Variants in MGLL observed in about 807,000 individuals in gnomAD.
MGLL encodes lysophospholipase homolog.
In MGLL, 7 loss-of-function variants were observed where a neutral mutation model predicts 29.1. That is an observed-to-expected ratio of 0.24 (90% CI 0.14 to 0.45). MGLL has a LOEUF of 0.45. MGLL is among the 20% of genes least tolerant of loss of function. MGLL has a pLI of 0.99. For missense variants in MGLL, 356 were observed against 413.6 expected (o/e 0.86, Z 1.21); for synonymous variants, 148 against 168.3 (o/e 0.88, Z 0.93).
At chr3:127,749,399 C>T (rs111684798) in intron 3 of MGLL, among the ~76,000 whole-genome samples, 3,428 of 152,306 alleles carry the variant, frequency 0.023, 142 homozygotes, top group African/African-American at 0.077. Flanking sequence ...AAAGCAAATG[C>T]TTCCCAGAGC....
chr3:127,725,511 C>A (rs774001680), intron 3 of MGLL, among the ~76,000 whole-genome samples: 1 of 152,094 alleles, frequency 6.6e-6, no homozygotes, highest in African/African-American at 2.4e-5. Flanking sequence ...ATTTTTACCC[C>A]GGTCCTAAAC....
intron 2 of MGLL, among the ~76,000 whole-genome samples, chr3:127,793,162 G>A (rs937019603): frequency 3.3e-5 from 5 of 152,124 alleles, no homozygotes; most frequent in Admixed American, 6.5e-5. Context: ...AATCGGAGTC[G>A]ACCAGGCACG....
intron 3 of MGLL, among the ~76,000 whole-genome samples, chr3:127,753,722 C>T (rs1386215834): frequency 6.6e-6 from 1 of 152,166 alleles, no homozygotes; most frequent in Non-Finnish European, 1.5e-5. Flanking sequence ...CTACAGGGGG[C>T]AAGAAGAGCA....
intron 3 of MGLL, among the ~76,000 whole-genome samples, chr3:127,766,096 A>G (rs536411933): frequency 6.6e-6 from 1 of 152,310 alleles, no homozygotes; most frequent in South Asian, 2.1e-4. Flanking sequence ...CAACGTCACA[A>G]ATGTCATGTC....
chr3:127,715,060 T>C (rs2075789008), intron 5 of MGLL, among the ~76,000 whole-genome samples: 3 of 152,258 alleles, frequency 2.0e-5, no homozygotes, highest in Admixed American at 1.3e-4. Context: ...TGGGCATTCA[T>C]GTGCGTGGTG....
chr3:127,707,122 CG>C (rs1464078635), intron 6 of MGLL, among the ~76,000 whole-genome samples: 9 of 152,168 alleles, frequency 5.9e-5, no homozygotes, highest in Non-Finnish European at 1.3e-4. Flanking sequence ...CTAGCAGATG[CG>C]CAGGAAGGGC....
In MGLL at chr3:127,726,119, G is replaced by GGAAAGAAAGAAA. The variant is rs869029966; in HGVS notation, c.263-3565_263-3554dup. On this transcript the variant is annotated intron_variant, in intron 3 of 7. Coordinates refer to ENST00000265052, the MANE Select transcript of MGLL (RefSeq NM_007283.7). ...AAACAGAAGAAAGAGAAAGAAAGCAGGAAAGAAAGAAAGAAAGAAAGAAAG... is the reference window on the plus strand; with the variant it reads ...AAACAGAAGAAAGAGAAAGAAAGCAGGAAAGAAAGAAAGAAAGAAAGAAAGAAAGAAAGAAAG... 3.1e-3 allele frequency among the ~76,000 whole-genome samples: 232 copies of GGAAAGAAAGAAA among 75,146 alleles called. 10 individuals carry two copies. Among genetic ancestry groups the GGAAAGAAAGAAA allele is most frequent in the Admixed American group, 5.8e-3 (32 of 5,554 alleles). The allele number at this position is 75,146 out of a possible 152,430, so 49.3% of individuals were successfully genotyped here.
chr3:127,737,726 C>CTGGAG (rs2076269390), intron 3 of MGLL, among the ~76,000 whole-genome samples: 2 of 144,128 alleles, frequency 1.4e-5, no homozygotes, highest in Non-Finnish European at 3.0e-5. Flanking sequence ...CTCACTGCAA[C>CTGGAG]CTCCACCTCC....
At chr3:127,771,714 C>G (rs2076951719) in intron 3 of MGLL, among the ~76,000 whole-genome samples, 1 of 152,220 alleles carries the variant, frequency 6.6e-6, no homozygotes, top group Non-Finnish European at 1.5e-5. Flanking sequence ...ATGTCCACCA[C>G]TGGCTCTGCA....
chr3:127,741,593 G>A (rs190839804), intron 3 of MGLL, among the ~76,000 whole-genome samples: 3 of 152,352 alleles, frequency 2.0e-5, no homozygotes, highest in Admixed American at 2.0e-4. Flanking sequence ...TCACAGATGA[G>A]CCTTCCAGCA....
intron 1 of MGLL, 143 bp from the exon 2 acceptor site, chr3:127,821,981 C>T: frequency 1.1e-6 from 1 of 905,836 alleles, no homozygotes; most frequent in Non-Finnish European, 1.6e-6. Flanking sequence ...TTAAAACATA[C>T]ATACATTTCT....
intron 3 of MGLL, among the ~76,000 whole-genome samples, chr3:127,726,651 C>T (rs142541644): frequency 0.029 from 4,361 of 152,054 alleles, 206 homozygotes; most frequent in African/African-American, 0.1. Flanking sequence ...AGGATGGTCT[C>T]GATCTCCTGA....
intron 3 of MGLL, among the ~76,000 whole-genome samples, chr3:127,725,962 T>A (rs2076022310): frequency 6.6e-6 from 1 of 151,134 alleles, no homozygotes; most frequent in Non-Finnish European, 1.5e-5. Context: ...ACACCTGTAA[T>A]CCTAGCTACT....
At chr3:127,718,963 T>C (rs1446084386) in intron 5 of MGLL, among the ~76,000 whole-genome samples, 1 of 152,168 alleles carries the variant, frequency 6.6e-6, no homozygotes, top group East Asian at 1.9e-4. Flanking sequence ...ATGGACTTTG[T>C]CAGCCAAAAT....
chr3:127,759,031 T>TA, intron 3 of MGLL, among the ~76,000 whole-genome samples: 1 of 151,316 alleles, frequency 6.6e-6, no homozygotes, highest in Admixed American at 6.6e-5. Flanking sequence ...CAAGTGATTC[T>TA]CCTGCCTCAG....
intron 2 of MGLL, among the ~76,000 whole-genome samples, chr3:127,809,664 T>C (rs2077627906): frequency 6.6e-6 from 1 of 151,496 alleles, no homozygotes; most frequent in Admixed American, 6.6e-5. Context: ...TAATGAGTGA[T>C]ATCCCTGAGG....
In MGLL at chr3:127,822,337, T is replaced by C. The variant is rs1266170817; in HGVS notation, c.-19A>G. On this transcript the variant is annotated 5_prime_UTR_variant, in exon 1 of 8. The change abolishes an upstream ATG in the 5' untranslated region. Transcript: ENST00000265052. ...TTTCCATTATGTGCTGGCGTTTGCA[T>C]TCCACAACCACGACAGCCTGGAGAA... 2 of 1,613,718 alleles carry C rather than the reference T, an allele frequency of 1.2e-6. No homozygotes were observed. Among genetic ancestry groups the C allele is most frequent in the Non-Finnish European group, 1.7e-6 (2 of 1,179,610 alleles).
chr3:127,717,027 C>T (rs1283718039), intron 5 of MGLL, among the ~76,000 whole-genome samples: 6 of 152,204 alleles, frequency 3.9e-5, no homozygotes, highest in Non-Finnish European at 8.8e-5. Context: ...AGGAAGACAG[C>T]TGATTCCTGG....
At chr3:127,775,584 G>A (rs982466178) in intron 3 of MGLL, among the ~76,000 whole-genome samples, 1 of 151,848 alleles carries the variant, frequency 6.6e-6, no homozygotes, top group African/African-American at 2.4e-5. Flanking sequence ...CCCCAGCTGA[G>A]TTAAAAAAAA....
Sources: gnomAD v4.1 joint callset for allele counts (sites outside exome capture counted in the v4.1 genomes callset) on GRCh38, gnomAD v4.1.1 for gene constraint, MANE v1.5 for transcripts, NCBI Gene and HGNC (gene_info 2026-07-23, HGNC 2026-07-21) for gene names.